Variants in ASNS observed in about 807,000 individuals in gnomAD.
ASNS encodes the protein asparagine synthetase [glutamine-hydrolyzing].
Under a neutral mutation model 62.6 loss-of-function variants are expected in ASNS, and 37 were observed. That is an observed-to-expected ratio of 0.59 (90% CI 0.45 to 0.78). The LOEUF is 0.78. Among genes scored for constraint, ASNS ranks in the 30% least tolerant of loss-of-function variants. The pLI is 0.00. For missense variants in ASNS, 520 were observed against 682.4 expected (o/e 0.76, Z 2.65); for synonymous variants, 207 against 237.9 (o/e 0.87, Z 1.19).
chr7:97,924,575 G>T, the ASNS span, among the ~76,000 whole-genome samples: 1 of 152,242 alleles, frequency 6.6e-6, no homozygotes, highest in South Asian at 2.1e-4. Flanking sequence ...CAGGTCCCCA[G>T]CGTGGGAGTG....
chr7:97,922,273 G>C, the ASNS span, among the ~76,000 whole-genome samples: 4 of 152,098 alleles, frequency 2.6e-5, no homozygotes, highest in Admixed American at 6.5e-5. Context: ...GGCCGAGGTG[G>C]GAGGATTGAT....
At chr7:97,876,650 T>C (rs1470814226), upstream of ASNS, among the ~76,000 whole-genome samples, 1 of 151,926 alleles carries the variant, frequency 6.6e-6, no homozygotes, top group East Asian at 1.9e-4. Flanking sequence ...ATGCTCTCGA[T>C]CTCTTGACCT....
the ASNS span, among the ~76,000 whole-genome samples, chr7:97,879,498 G>GA: frequency 3.3e-5 from 5 of 152,204 alleles, no homozygotes; most frequent in African/African-American, 1.2e-4. Context: ...GTCTTGCTAG[G>GA]AGGCTATCTT....
At chr7:97,923,194 A>G in the ASNS span, among the ~76,000 whole-genome samples, 3 of 151,514 alleles carry the variant, frequency 2.0e-5, no homozygotes, top group Non-Finnish European at 4.4e-5. Flanking sequence ...CTCCTTACTC[A>G]TCCACAATTA....
chr7:97,852,202 A>T lies in ASNS; in HGVS notation c.*57T>A. ...ACTCTCATTGTTCCCCTATCTACCC[A>T]CAGTCCCCATCCAACACGAAGAAAT... is the stretch of plus-strand genomic sequence containing the variant. On this transcript the variant is annotated 3_prime_UTR_variant, in exon 13 of 13. Coordinates refer to ENST00000394308, the MANE Select transcript of ASNS (RefSeq NM_001673.5). The T allele has an allele frequency of 6.3e-7, 1 of 1,578,704 alleles. No individual in the cohort carries two copies.
At chr7:97,920,638 T>C in the ASNS span, among the ~76,000 whole-genome samples, 1 of 152,174 alleles carries the variant, frequency 6.6e-6, no homozygotes, top group South Asian at 2.1e-4. Flanking sequence ...TCAGAGGCCC[T>C]GGGGATCTGT....
At chr7:97,862,628 A>G (rs562285693) in intron 4 of ASNS, among the ~76,000 whole-genome samples, 37 of 152,312 alleles carry the variant, frequency 2.4e-4, no homozygotes, top group East Asian at 1.4e-3. Flanking sequence ...CAGTTAATAT[A>G]TAAGTATCAG....
At chr7:97,868,533 G>GTGTA (rs1365921830) in intron 3 of ASNS, among the ~76,000 whole-genome samples, 4 of 123,644 alleles carry the variant, frequency 3.2e-5, no homozygotes, top group African/African-American at 1.2e-4. Context: ...GTGTGTGTGT[G>GTGTA]TGTGTGTGTG....
At chr7:97,898,741 G>A in the ASNS span, 1 of 655,952 alleles carries the variant, frequency 1.5e-6, no homozygotes, top group Non-Finnish European at 2.8e-6. Context: ...CGGTAGTCTT[G>A]ACATCAACAT....
the ASNS span, among the ~76,000 whole-genome samples, chr7:97,896,240 G>A: frequency 6.6e-6 from 1 of 151,922 alleles, no homozygotes; most frequent in Non-Finnish European, 1.5e-5. Context: ...AATAGCCAGA[G>A]CAATACTGAG....
chr7:97,912,382 T>C, the ASNS span, among the ~76,000 whole-genome samples: 1 of 152,086 alleles, frequency 6.6e-6, no homozygotes, highest in East Asian at 1.9e-4. Context: ...CTTGTTTTTT[T>C]TACAAAGCAA....
At chr7:97,858,752 A>G in intron 6 of ASNS, 102 bp downstream of exon 6, 1 of 1,099,814 alleles carries the variant, frequency 9.1e-7, no homozygotes, top group Non-Finnish European at 1.3e-6. Flanking sequence ...GAAAGAGTAA[A>G]TCATACAGTA....
At chr7:97,893,332 T>C in the ASNS span, among the ~76,000 whole-genome samples, 1 of 152,224 alleles carries the variant, frequency 6.6e-6, no homozygotes, top group African/African-American at 2.4e-5. Flanking sequence ...ATCAAAAGGA[T>C]ATACAAAATA....
chr7:97,879,347 G>A, the ASNS span, among the ~76,000 whole-genome samples: 1 of 152,220 alleles, frequency 6.6e-6, no homozygotes, highest in African/African-American at 2.4e-5. Context: ...ACTACCATCA[G>A]AGTGAACAGG....
chr7:97,896,741 C>CACAGAT, the ASNS span, among the ~76,000 whole-genome samples: 4 of 19,768 alleles, frequency 2.0e-4, no homozygotes, highest in South Asian at 3.7e-3. Context: ...CACACACACA[C>CACAGAT]ATATATATAT....
chr7:97,887,976 TTTTG>T, the ASNS span, among the ~76,000 whole-genome samples: 1 of 152,028 alleles, frequency 6.6e-6, no homozygotes, highest in South Asian at 2.1e-4. Context: ...CCAACCAACC[TTTTG>T]TTTGTTTGTT....
At chr7:97,906,076 G>A in the ASNS span, among the ~76,000 whole-genome samples, 1 of 152,134 alleles carries the variant, frequency 6.6e-6, no homozygotes, top group Admixed American at 6.6e-5. Context: ...TACTAGCCTA[G>A]TATCTTTTCT....
chr7:97,914,836 C>CA, the ASNS span, among the ~76,000 whole-genome samples: 1 of 152,142 alleles, frequency 6.6e-6, no homozygotes, highest in South Asian at 2.1e-4. Context: ...CTGTTGTTGA[C>CA]AAAATCCAGA....
At position 97,852,376 on chromosome 7, in the gene ASNS, T is replaced by C. The variant is rs1258215474; in HGVS notation, c.1569A>G (p.Glu523=). The C allele has an allele frequency of 6.2e-7, 1 of 1,614,162 alleles. No homozygotes were observed. The highest frequency in any genetic ancestry group is 1.7e-5 in the Admixed American group (1 of 60,000). Reference sequence around the variant, plus strand: ...AGTCAGCCCGGCCTGGGTAATGGCGTTCAAAGACTTGACGGTAGTAATATC... The same window carrying C: ...AGTCAGCCCGGCCTGGGTAATGGCGCTCAAAGACTTGACGGTAGTAATATC... ...KEGYYYRQVF[E]RHYPGRADWL... Residue 523 remains glutamate, a synonymous_variant, in exon 13 of 13, where the codon GAA becomes GAG. Coordinates refer to ENST00000394308, the MANE Select transcript of ASNS (RefSeq NM_001673.5).
Sources: gnomAD v4.1 joint callset for allele counts (sites outside exome capture counted in the v4.1 genomes callset) on GRCh38, gnomAD v4.1.1 for gene constraint, MANE v1.5 for transcripts, NCBI Gene and HGNC (gene_info 2026-07-23, HGNC 2026-07-21) for gene names.